LPP: variants seen among roughly 807,000 people sequenced by gnomAD.
The protein encoded by LPP is LIM domain containing preferred translocation partner in lipoma, also known as lipoma-preferred partner.
Under a neutral mutation model 60.4 loss-of-function variants are expected in LPP, and 38 were observed. That is an observed-to-expected ratio of 0.63 (90% CI 0.49 to 0.83). LPP has a LOEUF of 0.83. Among genes scored for constraint, LPP ranks in the 40% least tolerant of loss-of-function variants. The probability of loss-of-function intolerance (pLI) is 0.00; values close to 1 mark genes in which losing one functional copy is unlikely to be tolerated. For missense variants in LPP, 902 were observed against 783.6 expected (o/e 1.15, Z -1.80); for synonymous variants, 328 against 290.8 (o/e 1.13, Z -1.30).
chr3:188,827,270 A>G (rs963301114), intron 9 of LPP, among the ~76,000 whole-genome samples: 11 of 152,206 alleles, frequency 7.2e-5, no homozygotes, highest in Non-Finnish European at 1.0e-4. Context: ...CTGACATCCA[A>G]CACCACATGT....
chr3:188,875,021 G>A lies in LPP; in HGVS notation c.*542G>A, dbSNP rs1247272042. 1 of 222,578 alleles carries A rather than the reference G, an allele frequency of 4.5e-6. No individual in the cohort carries two copies. Among genetic ancestry groups the A allele is most frequent in the African/African-American group, 2.2e-5 (1 of 44,648 alleles). 13.8% of individuals were successfully genotyped at this position (222,578 alleles called of 1,614,324 possible). ...GGAAATGCACAATTTTTTTTTGTTA[G>A]GCTGTAAAGAATTTAAGCTGTAAAT... On this transcript the variant is annotated 3_prime_UTR_variant, in exon 12 of 12. Coordinates refer to ENST00000617246, the MANE Select transcript of LPP (RefSeq NM_001375462.1).
chr3:188,602,802 A>G (rs982351478), intron 6 of LPP, among the ~76,000 whole-genome samples: 2 of 151,160 alleles, frequency 1.3e-5, no homozygotes, highest in Non-Finnish European at 1.5e-5. Context: ...CAGTCTAGAG[A>G]AGTCACGTGA....
chr3:188,485,698 G>A lies in LPP; in HGVS notation c.306+994G>A, dbSNP rs1806202070. Among the ~76,000 whole-genome samples, 5 of 148,452 alleles carry A rather than the reference G, an allele frequency of 3.4e-5. No homozygotes were observed. In the South Asian group the frequency reaches 1.1e-3, roughly 32 times the overall value. The stretch of plus-strand genomic sequence containing the variant: ...TGTAGTCCCAGCTACTTGGGAGGCT[G>A]AGGCAGGAGAATGGCGTGAACCCGG... On this transcript the variant is annotated intron_variant, in intron 5 of 11. Coordinates refer to ENST00000617246, the MANE Select transcript of LPP (RefSeq NM_001375462.1).
chr3:188,838,649 A>C (rs955266188), intron 9 of LPP, among the ~76,000 whole-genome samples: 14 of 152,190 alleles, frequency 9.2e-5, no homozygotes, highest in African/African-American at 3.4e-4. Flanking sequence ...AATGTGGCAC[A>C]TACACGCCAT....
rs529671860 is a variant in LPP at position 188,215,297 on chromosome 3, C to T, written c.-189-10108C>T. On this transcript the variant is annotated intron_variant, in intron 1 of 11. Transcript: ENST00000617246. ...CTTTAACCTGGATGACAGATCGAGA[C>T]CCTGTCTCAGAAAAAGAAAAAAAAA... Among the ~76,000 whole-genome samples the T allele has an allele frequency of 4.0e-5, 6 of 151,724 alleles. 1 individual carries two copies. In the South Asian group the frequency reaches 1.2e-3, roughly 32 times the overall value.
At chr3:188,434,946 G>A (rs1280312283) in intron 4 of LPP, among the ~76,000 whole-genome samples, 2 of 152,102 alleles carry the variant, frequency 1.3e-5, no homozygotes, top group Non-Finnish European at 2.9e-5. Flanking sequence ...ATCTGTGCTA[G>A]GAACAAGTAT....
chr3:188,156,981 A>G (rs1716686712), intron 1 of LPP, among the ~76,000 whole-genome samples: 2 of 152,190 alleles, frequency 1.3e-5, no homozygotes, highest in African/African-American at 4.8e-5. Context: ...TATTGAGACA[A>G]ATACGTTGTA....
At chr3:188,692,143 A>G (rs538564825) in intron 7 of LPP, among the ~76,000 whole-genome samples, 1 of 152,336 alleles carries the variant, frequency 6.6e-6, no homozygotes, top group South Asian at 2.1e-4. Flanking sequence ...GCATCAAAAA[A>G]TCACCACAGC....
intron 9 of LPP, among the ~76,000 whole-genome samples, chr3:188,847,956 C>G (rs1044296608): frequency 1.3e-5 from 2 of 152,178 alleles, no homozygotes; most frequent in African/African-American, 4.8e-5. Flanking sequence ...GGAAGTCAGG[C>G]TCCTGGGGAA....
chr3:188,843,725 T>C (rs1236769911), intron 9 of LPP, among the ~76,000 whole-genome samples: 1 of 141,962 alleles, frequency 7.0e-6, no homozygotes, highest in Admixed American at 7.8e-5. Flanking sequence ...AGGCGGAGCT[T>C]GCAGGGAGCC....
intron 7 of LPP, among the ~76,000 whole-genome samples, chr3:188,642,647 T>C (rs774909342): frequency 5.9e-5 from 9 of 152,184 alleles, no homozygotes; most frequent in African/African-American, 9.6e-5. Flanking sequence ...AAAAGTAACC[T>C]GATAATCGGT....
At chr3:188,810,328 T>C (rs1750532413) in intron 9 of LPP, among the ~76,000 whole-genome samples, 1 of 152,112 alleles carries the variant, frequency 6.6e-6, no homozygotes, top group Admixed American at 6.6e-5. Flanking sequence ...GATTTCAGGT[T>C]ACAGTAGTTT....
Position 188,407,797 on chromosome 3 carries a change from T to G in LPP, c.193+1484T>G, listed in dbSNP as rs765357856. On this transcript the variant is annotated intron_variant, in intron 4 of 11. Transcript: ENST00000617246. ...TTTTTTTTGTTTGTTTGTTTTTTTT[T>G]TTTTTTTTTTGAGATGGAGTTTCAC... is the stretch of plus-strand genomic sequence containing the variant. Among the ~76,000 whole-genome samples the G allele has an allele frequency of 7.0e-4, 93 of 132,968 alleles. 1 individual carries two copies. The highest frequency in any genetic ancestry group is 2.5e-3 in the Admixed American group (33 of 13,402). The allele number at this position is 132,968 out of a possible 152,430, so 87.2% of individuals were successfully genotyped here.
intron 7 of LPP, among the ~76,000 whole-genome samples, chr3:188,694,064 T>G (rs2149499957): frequency 6.6e-6 from 1 of 152,298 alleles, no homozygotes; most frequent in African/African-American, 2.4e-5. Context: ...GTTTCTGAAA[T>G]TCACAGAAGG....
intron 9 of LPP, among the ~76,000 whole-genome samples, chr3:188,826,375 T>A (rs1225873041): frequency 6.6e-6 from 1 of 152,196 alleles, no homozygotes; most frequent in Non-Finnish European, 1.5e-5. Context: ...CAGTAAATAG[T>A]TGAGGGTCTC....
At chr3:188,690,324 A>C (rs1454230295) in intron 7 of LPP, among the ~76,000 whole-genome samples, 2 of 152,114 alleles carry the variant, frequency 1.3e-5, no homozygotes, top group South Asian at 2.1e-4. Flanking sequence ...TTTCCTTTGG[A>C]GGTTAGAGCT....
At chr3:188,632,996 A>G (rs532248282) in intron 7 of LPP, among the ~76,000 whole-genome samples, 1 of 152,234 alleles carries the variant, frequency 6.6e-6, no homozygotes, top group African/African-American at 2.4e-5. Context: ...CTAACATACT[A>G]TCTTATTTAT....
intron 1 of LPP, among the ~76,000 whole-genome samples, chr3:188,203,162 A>G (rs1357824026): frequency 7.3e-6 from 1 of 136,808 alleles, no homozygotes; most frequent in East Asian, 2.1e-4. Flanking sequence ...TTATATTGTA[A>G]TTAAATTATA....
intron 3 of LPP, among the ~76,000 whole-genome samples, chr3:188,386,359 G>T (rs1038321903): frequency 2.0e-5 from 3 of 151,208 alleles, no homozygotes; most frequent in African/African-American, 7.3e-5. Flanking sequence ...TTCAGTAGAT[G>T]ATTTCTTTTA....
Sources: allele counts gnomAD v4.1 joint callset (sites outside exome capture counted in the v4.1 genomes callset), GRCh38; gene constraint gnomAD v4.1.1; transcripts MANE v1.5; gene names NCBI Gene and HGNC (gene_info 2026-07-23, HGNC 2026-07-21).